The following NAALADL2 variants were observed in gnomAD, a reference collection of about 807,000 sequenced individuals.
The protein encoded by NAALADL2 is N-acetylated alpha-linked acidic dipeptidase like 2.
Under a neutral mutation model 87.2 loss-of-function variants are expected in NAALADL2, and 76 were observed. That is an observed-to-expected ratio of 0.87 (90% CI 0.72 to 1.05). NAALADL2 has a LOEUF of 1.05. Among genes scored for constraint, NAALADL2 ranks in the 50% least tolerant of loss-of-function variants. The pLI is 0.00. For synonymous variants in NAALADL2, 354 were observed against 331.0 expected, an observed-to-expected ratio of 1.07 and a Z score of -0.75; for missense variants, 1,089 against 945.8, an observed-to-expected ratio of 1.15 and a Z score of -1.99.
At chr3:174,825,400 C>T (rs1721869001) in intron 3 of NAALADL2, among the ~76,000 whole-genome samples, 1 of 152,206 alleles carries the variant, frequency 6.6e-6, no homozygotes, top group Admixed American at 6.5e-5. Context: ...AGAAGATGGA[C>T]CTCTCAGCCT....
chr3:175,536,150 G>A (rs1430390312), intron 9 of NAALADL2, among the ~76,000 whole-genome samples: 1 of 152,206 alleles, frequency 6.6e-6, no homozygotes, highest in Non-Finnish European at 1.5e-5. Flanking sequence ...GGACAGCAGA[G>A]TGCCCTTGAA....
chr3:175,049,750 A>C (rs539613664), intron 1 of NAALADL2, among the ~76,000 whole-genome samples: 4 of 152,322 alleles, frequency 2.6e-5, no homozygotes, highest in Admixed American at 2.6e-4. Flanking sequence ...ATAACCTCCC[A>C]TAGCTGCAAG....
At chr3:175,559,396 T>C (rs1213668770) in intron 9 of NAALADL2, among the ~76,000 whole-genome samples, 3 of 149,258 alleles carry the variant, frequency 2.0e-5, no homozygotes, top group African/African-American at 7.3e-5. Flanking sequence ...CAAGGATAAT[T>C]TGACTTCCTC....
At chr3:175,253,907 G>A (rs6762134) in intron 3 of NAALADL2, among the ~76,000 whole-genome samples, 2,765 of 152,170 alleles carry the variant, frequency 0.018, 87 homozygotes, top group African/African-American at 0.063. Context: ...AAACTTGAAC[G>A]GATGAAGAGT....
In NAALADL2 at chr3:174,729,905, G is replaced by C. The variant is rs974507479; in HGVS notation, c.-114-7736G>C. On this transcript the variant is annotated intron_variant, in intron 2 of 3. Coordinates refer to the NAALADL2 transcript ENST00000434257. ...TAAAAGAAAAAAGATAGTTCATTTA[G>C]TACATCCCACTAGTATTGAATAATT... 2.5e-4 allele frequency among the ~76,000 whole-genome samples: 38 copies of C among 152,004 alleles called. 2 individuals are homozygous for C. Among genetic ancestry groups the C allele is most frequent in the Non-Finnish European group, 7.4e-5 (5 of 67,940 alleles).
chr3:174,958,073 T>C (rs920330866), intron 1 of NAALADL2, among the ~76,000 whole-genome samples: 3 of 151,354 alleles, frequency 2.0e-5, no homozygotes, highest in Non-Finnish European at 4.4e-5. Flanking sequence ...ACATAGTCCA[T>C]CCTCCCCTCC....
chr3:175,148,091 G>T, intron 2 of NAALADL2, among the ~76,000 whole-genome samples: 1 of 110,744 alleles, frequency 9.0e-6, no homozygotes, highest in Non-Finnish European at 1.9e-5. Flanking sequence ...TAATGATAAT[G>T]ATAATAATAA....
chr3:175,682,991 A>T (rs1294545742), intron 11 of NAALADL2, among the ~76,000 whole-genome samples: 2 of 152,140 alleles, frequency 1.3e-5, no homozygotes, highest in African/African-American at 4.8e-5. Context: ...CAACAAGCTG[A>T]ACATAACACT....
chr3:174,566,285 G>A (rs1409179620), intron 2 of NAALADL2, among the ~76,000 whole-genome samples: 1 of 151,658 alleles, frequency 6.6e-6, no homozygotes, highest in Non-Finnish European at 1.5e-5. Flanking sequence ...TTTCATTCTA[G>A]AAATACAGTT....
chr3:175,035,229 G>T (rs1305029360), intron 1 of NAALADL2, among the ~76,000 whole-genome samples: 1 of 152,154 alleles, frequency 6.6e-6, no homozygotes, highest in East Asian at 1.9e-4. Flanking sequence ...AGATATAAAA[G>T]AAGTTTGAAT....
At chr3:175,437,478 A>G (rs1034319006) in intron 5 of NAALADL2, among the ~76,000 whole-genome samples, 69 of 138,614 alleles carry the variant, frequency 5.0e-4, no homozygotes, top group African/African-American at 1.8e-3. Context: ...AGAACATTCC[A>G]TGCTCATGGG....
intron 2 of NAALADL2, among the ~76,000 whole-genome samples, chr3:174,675,250 C>G (rs1259481266): frequency 6.6e-6 from 1 of 151,910 alleles, no homozygotes; most frequent in African/African-American, 2.4e-5. Context: ...GAGATTATTC[C>G]TAGTTTTGAA....
At chr3:175,611,738 G>A (rs544915064) in intron 10 of NAALADL2, among the ~76,000 whole-genome samples, 27 of 152,224 alleles carry the variant, frequency 1.8e-4, no homozygotes, top group African/African-American at 6.5e-4. Flanking sequence ...AAAGGAAATA[G>A]TCTGTTCTAT....
chr3:174,500,685 G>C (rs1041055134), intron 1 of NAALADL2, among the ~76,000 whole-genome samples: 1 of 151,974 alleles, frequency 6.6e-6, no homozygotes, highest in African/African-American at 2.4e-5. Flanking sequence ...GAATGGATAT[G>C]GGATTTTGTA....
chr3:175,754,455 C>G (rs868093121), intron 12 of NAALADL2, among the ~76,000 whole-genome samples: 13 of 152,166 alleles, frequency 8.5e-5, no homozygotes, highest in African/African-American at 2.9e-4. Context: ...GAAACAAAGA[C>G]AAACACAAAC....
chr3:175,600,086 T>A (rs929401913), intron 10 of NAALADL2, among the ~76,000 whole-genome samples: 1 of 151,984 alleles, frequency 6.6e-6, no homozygotes, highest in African/African-American at 2.4e-5. Flanking sequence ...ATATATCATT[T>A]TATATATGTG....
At chr3:175,298,919 A>G (rs1297168211) in intron 4 of NAALADL2, among the ~76,000 whole-genome samples, 1 of 152,198 alleles carries the variant, frequency 6.6e-6, no homozygotes, top group Non-Finnish European at 1.5e-5. Context: ...ATTTGGGGCT[A>G]TATATTGGAA....
chr3:175,491,625 T>C (rs1254545521), intron 9 of NAALADL2, among the ~76,000 whole-genome samples: 1 of 152,198 alleles, frequency 6.6e-6, no homozygotes, highest in Non-Finnish European at 1.5e-5. Flanking sequence ...CACATTGTTA[T>C]ACTTATTAGT....
chr3:174,928,303 G>T (rs997840410), intron 1 of NAALADL2, among the ~76,000 whole-genome samples: 4 of 152,106 alleles, frequency 2.6e-5, no homozygotes, highest in Admixed American at 2.6e-4. Flanking sequence ...AATGCAATGC[G>T]ATCTCGGCTC....
Sources: gnomAD v4.1 joint callset for allele counts (sites outside exome capture counted in the v4.1 genomes callset) on GRCh38, gnomAD v4.1.1 for gene constraint, MANE v1.5 for transcripts, NCBI Gene and HGNC (gene_info 2026-07-23, HGNC 2026-07-21) for gene names.